Variants in GAS7 observed in about 807,000 individuals in gnomAD.
GAS7 encodes growth arrest specific 7.
In GAS7, 28 loss-of-function variants were observed where a neutral mutation model predicts 71.1. That is an observed-to-expected ratio of 0.39 (90% CI 0.29 to 0.54). GAS7 has a LOEUF of 0.54. Among genes scored for constraint, GAS7 ranks in the 20% least tolerant of loss-of-function variants. GAS7 has a pLI of 0.62. For synonymous variants in GAS7, 258 were observed against 245.8 expected, an observed-to-expected ratio of 1.05 and a Z score of -0.46; for missense variants, 436 against 627.8, an observed-to-expected ratio of 0.69 and a Z score of 3.27.
At chr17:10,063,495 A>G (rs2073242784) in intron 1 of GAS7, among the ~76,000 whole-genome samples, 1 of 152,184 alleles carries the variant, frequency 6.6e-6, no homozygotes, top group African/African-American at 2.4e-5. Flanking sequence ...AAACCCTGAC[A>G]AATCATCTAG....
chr17:10,005,112 CGT>C (rs1217073208), intron 2 of GAS7, among the ~76,000 whole-genome samples: 3 of 146,198 alleles, frequency 2.1e-5, no homozygotes, highest in Non-Finnish European at 4.5e-5. Flanking sequence ...CATGTGTGTG[CGT>C]GTGCACGCAT....
At chr17:10,158,336 TAAAAAAAAAAAA>T (rs58514810) in intron 1 of GAS7, among the ~76,000 whole-genome samples, 2 of 83,404 alleles carry the variant, frequency 2.4e-5, no homozygotes, top group South Asian at 4.0e-4. Context: ...CTTTTTTTGG[TAAAAAAAAAAAA>T]AAAAAAAAAA....
At chr17:10,086,768 T>G (rs1279209504) in intron 1 of GAS7, among the ~76,000 whole-genome samples, 1 of 152,184 alleles carries the variant, frequency 6.6e-6, no homozygotes, top group African/African-American at 2.4e-5. Flanking sequence ...GGTTCAGTCC[T>G]AGGCATTTCC....
At chr17:10,037,625 T>C (rs542467031) in intron 1 of GAS7, among the ~76,000 whole-genome samples, 124 of 151,136 alleles carry the variant, frequency 8.2e-4, no homozygotes, top group African/African-American at 3.0e-3. Flanking sequence ...GTTGTTTTAC[T>C]ACATACTAGC....
intron 1 of GAS7, among the ~76,000 whole-genome samples, chr17:10,057,163 G>A (rs926137540): frequency 1.3e-5 from 2 of 152,156 alleles, no homozygotes; most frequent in African/African-American, 2.4e-5. Context: ...CCTCCCAGCC[G>A]CCTGCCTTGG....
intron 1 of GAS7, among the ~76,000 whole-genome samples, chr17:10,133,122 A>ATATATATATATATATTT (rs1392845338): frequency 1.0e-4 from 12 of 118,918 alleles, no homozygotes; most frequent in African/African-American, 3.0e-4. Flanking sequence ...ATATTTTTAT[A>ATATATATATATATATTT]TTTTTTTTTT....
chr17:10,197,597 G>A (rs1443319644), intron 1 of GAS7, among the ~76,000 whole-genome samples: 1 of 152,184 alleles, frequency 6.6e-6, no homozygotes, highest in Non-Finnish European at 1.5e-5. Context: ...CCTTAGCCTC[G>A]GGGAGCTGGA....
At position 10,005,184 on chromosome 17, in the gene GAS7, T is replaced by TGTGCGCACGCATGC. The variant is rs2071455867; in HGVS notation, c.304+14592_304+14593insGCATGCGTGCGCAC. On this transcript the variant is annotated intron_variant, in intron 2 of 13. Coordinates refer to ENST00000432992, the MANE Select transcript of GAS7 (RefSeq NM_201433.2). The stretch of plus-strand genomic sequence containing the variant: ...GTGTGCGCACGCATGCATGTATGTG[T>TGTGCGCACGCATGC]ATGTGCACGCATGCATGTGTGTGCA... Among the ~76,000 whole-genome samples, 4 of 133,672 alleles carry TGTGCGCACGCATGC rather than the reference T, an allele frequency of 3.0e-5. No homozygotes were observed. The South Asian group carries it at 7.7e-4, about 26-fold the overall frequency. 87.7% of individuals were successfully genotyped at this position (133,672 alleles called of 152,430 possible). A position where few individuals can be genotyped will look rare whatever the true frequency, so the allele number is the denominator to read the frequency against.
intron 1 of GAS7, among the ~76,000 whole-genome samples, chr17:10,154,877 G>A (rs990502362): frequency 2.0e-5 from 3 of 147,572 alleles, no homozygotes; most frequent in Admixed American, 6.8e-5. Flanking sequence ...CTTCATAAAG[G>A]TGGAGCTACC....
At chr17:10,075,188 C>T (rs1484982878) in intron 1 of GAS7, among the ~76,000 whole-genome samples, 4 of 151,652 alleles carry the variant, frequency 2.6e-5, no homozygotes, top group Non-Finnish European at 4.4e-5. Flanking sequence ...AAACCCCACC[C>T]CTACTAAAAA....
chr17:10,120,378 T>C (rs2142075785), intron 1 of GAS7, among the ~76,000 whole-genome samples: 1 of 152,330 alleles, frequency 6.6e-6, no homozygotes, highest in Middle Eastern at 3.4e-3. Flanking sequence ...CTGGTTCCTC[T>C]GCTGAGTCTC....
At chr17:10,046,076 C>T (rs1041768218) in intron 1 of GAS7, among the ~76,000 whole-genome samples, 3 of 152,198 alleles carry the variant, frequency 2.0e-5, no homozygotes, top group African/African-American at 4.8e-5. Context: ...TTGAGAAACA[C>T]TGTCTCTGGC....
At chr17:9,938,988 C>G (rs555398099) in intron 8 of GAS7, among the ~76,000 whole-genome samples, 1 of 152,176 alleles carries the variant, frequency 6.6e-6, no homozygotes, top group African/African-American at 2.4e-5. Context: ...ATTCCATTGT[C>G]TATCCATGGG....
At chr17:9,983,346 C>T (rs1301980953) in intron 2 of GAS7, among the ~76,000 whole-genome samples, 1 of 151,984 alleles carries the variant, frequency 6.6e-6, no homozygotes, top group Non-Finnish European at 1.5e-5. Flanking sequence ...CAAAAATTAG[C>T]CAGGTGTGGT....
intron 1 of GAS7, among the ~76,000 whole-genome samples, chr17:10,138,551 T>A (rs1597813831): frequency 6.6e-6 from 1 of 151,570 alleles, no homozygotes; most frequent in African/African-American, 2.4e-5. Context: ...GATCATGGGG[T>A]CAGGAGTTTG....
At chr17:10,121,842 A>G (rs2142077266) in intron 1 of GAS7, among the ~76,000 whole-genome samples, 1 of 152,246 alleles carries the variant, frequency 6.6e-6, no homozygotes, top group Middle Eastern at 3.4e-3. Flanking sequence ...TCACAAGCTC[A>G]GAAGATGCCT....
intron 1 of GAS7, among the ~76,000 whole-genome samples, chr17:10,126,643 T>C (rs1355753799): frequency 5.3e-5 from 8 of 152,166 alleles, no homozygotes; most frequent in Non-Finnish European, 1.0e-4. Flanking sequence ...CGCACACACA[T>C]ATTCTCTCTC....
chr17:10,131,009 T>C lies in GAS7; in HGVS notation c.183+67199A>G, dbSNP rs548885356. Among the ~76,000 whole-genome samples the C allele has an allele frequency of 2.9e-4, 44 of 152,342 alleles. 1 individual carries two copies. Among genetic ancestry groups the C allele is most frequent in the Middle Eastern group, 3.4e-3 (1 of 294 alleles). On this transcript the variant is annotated intron_variant, in intron 1 of 13. Transcript: ENST00000432992. ...AGGGGTGAATTGAATGGTATGCAAA[T>C]TATATCTCCATAAAGCCGTTATCAA...
chr17:9,924,530 C>CT (rs1555587622), intron 11 of GAS7: 1 of 144,656 alleles, frequency 6.9e-6, no homozygotes, highest in African/African-American at 2.5e-5. Flanking sequence ...CTTCTGTGCC[C>CT]CCCCTTCTCT....
Sources: allele counts gnomAD v4.1 joint callset (sites outside exome capture counted in the v4.1 genomes callset), GRCh38; gene constraint gnomAD v4.1.1; transcripts MANE v1.5; gene names NCBI Gene and HGNC (gene_info 2026-07-23, HGNC 2026-07-21).